Variants in ATP6V0A4 observed in about 807,000 individuals in gnomAD.
The protein encoded by ATP6V0A4 is V-type proton ATPase 116 kDa subunit a 4.
Under a neutral mutation model 107.3 loss-of-function variants are expected in ATP6V0A4, and 86 were observed. The ratio of observed to expected loss-of-function variants is 0.80; its 90% CI spans 0.67 to 0.96. The LOEUF (loss-of-function observed/expected upper bound fraction) is 0.96. Among genes scored for constraint, ATP6V0A4 ranks in the 40% least tolerant of loss-of-function variants. The pLI, the probability that ATP6V0A4 is intolerant of heterozygous loss-of-function variation, is 0.00. For synonymous variants in ATP6V0A4, 353 were observed against 381.4 expected (o/e 0.93, Z 0.87); for missense variants, 908 against 1,045.6 (o/e 0.87, Z 1.81).
At chr7:138,745,442 C>G in intron 13 of ATP6V0A4, 162 bp from the exon 14 acceptor site, 1 of 511,030 alleles carries the variant, frequency 2.0e-6, no homozygotes, top group Non-Finnish European at 2.5e-6. Context: ...AGAGCACACA[C>G]ATCATGGTTT....
chr7:138,771,064 G>C (rs1404860276), intron 3 of ATP6V0A4, 67 bp downstream of exon 3: 9 of 1,411,870 alleles, frequency 6.4e-6, no homozygotes, highest in Non-Finnish European at 9.0e-6. Context: ...CCATAAAGAA[G>C]TGTTGTGCAA....
chr7:138,749,460 C>T (rs1351804642), intron 11 of ATP6V0A4, 143 bp from the exon 12 acceptor site: 1 of 856,472 alleles, frequency 1.2e-6, no homozygotes, highest in East Asian at 2.6e-5. Context: ...GACTCACGAC[C>T]TTATGTGTAG....
chr7:138,715,808 G>A lies in ATP6V0A4; in HGVS notation c.2213C>T (p.Thr738Ile), dbSNP rs780225385. ...GGCCCAGAGCCGCAGGTAGGAGGCT[G>A]TGTTTGAAATGCAGCCCAGGCAGTA... ...IEYCLGCISN[T>I]ASYLRLWALS... The change falls in exon 20 of 22, where the codon ACA becomes ATA. Residue 738 changes from threonine (T) to isoleucine (I), a missense_variant. Transcript: ENST00000310018. 1.2e-6 allele frequency: 2 copies of A among 1,613,584 alleles called. No homozygotes were observed. Among genetic ancestry groups the A allele is most frequent in the Admixed American group, 3.3e-5 (2 of 60,032 alleles).
chr7:138,720,496 C>G (rs905237421), intron 19 of ATP6V0A4, among the ~76,000 whole-genome samples: 3 of 152,010 alleles, frequency 2.0e-5, no homozygotes, highest in Non-Finnish European at 4.4e-5. Flanking sequence ...TCAGAACATG[C>G]GTGGGTTGGA....
chr7:138,724,843 T>C (rs1392602721), intron 18 of ATP6V0A4, among the ~76,000 whole-genome samples: 2 of 152,226 alleles, frequency 1.3e-5, no homozygotes. Flanking sequence ...ACTGGACTTG[T>C]GAATCCTAGT....
intron 8 of ATP6V0A4, among the ~76,000 whole-genome samples, chr7:138,758,043 A>G (rs748110282): frequency 3.9e-5 from 6 of 152,176 alleles, no homozygotes; most frequent in Non-Finnish European, 7.3e-5. Context: ...AGAATCAGGA[A>G]TCTGCTCTAA....
chr7:138,780,022 G>A (rs1413342768), intron 2 of ATP6V0A4: 1 of 152,206 alleles, frequency 6.6e-6, no homozygotes, highest in Non-Finnish European at 1.5e-5. Context: ...TCAGCTGGTT[G>A]TGGTTCTTTA....
chr7:138,797,914 A>T, intron 1 of ATP6V0A4, 120 bp downstream of exon 1: 1 of 1,414,560 alleles, frequency 7.1e-7, no homozygotes, highest in Non-Finnish European at 9.6e-7. Flanking sequence ...GAGAGGTGAG[A>T]GAAGGTGTGA....
intron 14 of ATP6V0A4, among the ~76,000 whole-genome samples, chr7:138,739,975 T>C (rs1025520813): frequency 1.3e-5 from 2 of 151,988 alleles, no homozygotes; most frequent in Non-Finnish European, 2.9e-5. Flanking sequence ...ATGCCTTTAG[T>C]TCCAGCTACT....
chr7:138,775,579 T>C (rs768652837), intron 2 of ATP6V0A4, among the ~76,000 whole-genome samples: 35 of 150,766 alleles, frequency 2.3e-4, no homozygotes, highest in Non-Finnish European at 4.3e-4. Flanking sequence ...TGGGCTCAAG[T>C]GATCCTCCCA....
rs868671607 is a variant in ATP6V0A4 at position 138,774,496 on chromosome 7, G to A, written c.-17-3232C>T. 4.6e-5 allele frequency among the ~76,000 whole-genome samples: 7 copies of A among 151,590 alleles called. No individual in the cohort carries two copies. The East Asian group carries it at 9.7e-4, about 21-fold the overall frequency. On this transcript the variant is annotated intron_variant, in intron 2 of 21. Transcript: ENST00000310018. ...CTCAGGAGGCTGAGGCAGGAGAATCGCTTGAACCCAGGAAGCAGAGGTTGC... is the reference window on the plus strand; with the variant it reads ...CTCAGGAGGCTGAGGCAGGAGAATCACTTGAACCCAGGAAGCAGAGGTTGC...
chr7:138,765,079 G>A (rs1240574202), intron 5 of ATP6V0A4, among the ~76,000 whole-genome samples: 1 of 152,146 alleles, frequency 6.6e-6, no homozygotes, highest in African/African-American at 2.4e-5. Flanking sequence ...ACAGCCGTGA[G>A]CCACTGCGCC....
At chr7:138,726,938 T>C (rs1372044114) in intron 18 of ATP6V0A4, among the ~76,000 whole-genome samples, 1 of 151,920 alleles carries the variant, frequency 6.6e-6, no homozygotes, top group Non-Finnish European at 1.5e-5. Context: ...TTAAAGAGCT[T>C]GTGTGGTACA....
intron 1 of ATP6V0A4, among the ~76,000 whole-genome samples, chr7:138,796,915 T>A (rs1189248459): frequency 6.6e-6 from 1 of 152,242 alleles, no homozygotes; most frequent in Non-Finnish European, 1.5e-5. Context: ...AGAGCTCTAG[T>A]CAAGTTACTC....
chr7:138,715,704 C>A (rs1803999457), intron 20 of ATP6V0A4, 60 bp downstream of exon 20: 1 of 1,578,348 alleles, frequency 6.3e-7, no homozygotes, highest in African/African-American at 1.3e-5. Flanking sequence ...AAATACATGG[C>A]ACCTATTTCC....
intron 18 of ATP6V0A4, among the ~76,000 whole-genome samples, chr7:138,722,660 A>G (rs1804480094): frequency 7.6e-6 from 1 of 130,838 alleles, no homozygotes; most frequent in South Asian, 2.8e-4. Context: ...CAGGAGAGTC[A>G]TTGGAACTCA....
intron 17 of ATP6V0A4, among the ~76,000 whole-genome samples, chr7:138,729,643 G>A (rs1333221098): frequency 1.3e-5 from 2 of 152,146 alleles, no homozygotes; most frequent in African/African-American, 2.4e-5. Flanking sequence ...TTAGAGGAGT[G>A]ACTCATAGCT....
chr7:138,789,902 G>T (rs1386204979), intron 1 of ATP6V0A4, among the ~76,000 whole-genome samples: 3 of 149,880 alleles, frequency 2.0e-5, no homozygotes, highest in African/African-American at 4.9e-5. Context: ...CCGGGAGGCA[G>T]ATGTTGCAGT....
intron 5 of ATP6V0A4, among the ~76,000 whole-genome samples, chr7:138,765,498 G>GT (rs986613971): frequency 9.2e-5 from 14 of 152,140 alleles, no homozygotes; most frequent in African/African-American, 2.9e-4. Flanking sequence ...GGGGATGGTG[G>GT]TTTTTTCCCT....
Sources: gnomAD v4.1 joint callset for allele counts (sites outside exome capture counted in the v4.1 genomes callset) on GRCh38, gnomAD v4.1.1 for gene constraint, MANE v1.5 for transcripts, NCBI Gene and HGNC (gene_info 2026-07-23, HGNC 2026-07-21) for gene names.